Variants in PEMT observed in about 807,000 individuals in gnomAD.
PEMT encodes phospholipid methyltransferase.
Under a neutral mutation model 27.4 loss-of-function variants are expected in PEMT, and 23 were observed. The observed-to-expected ratio is 0.84, with a 90% confidence interval of 0.60 to 1.19. The LOEUF is 1.19. Ranked by LOEUF, PEMT falls within the 50% of genes most tolerant of loss-of-function variation. The probability of loss-of-function intolerance (pLI) is 0.00; values close to 1 mark genes in which losing one functional copy is unlikely to be tolerated. For missense variants in PEMT, 307 were observed against 310.1 expected (o/e 0.99, Z 0.07); for synonymous variants, 137 against 139.1 (o/e 0.98, Z 0.11).
At chr17:17,591,894 A>T, upstream of PEMT, 1 of 985,480 alleles carries the variant, frequency 1.0e-6, no homozygotes. Context: ...GCTACGTAGC[A>T]GTATCCCCTT....
At chr17:17,586,267 AGAAAGAAAGAAAGAAAG>A (rs1567759282) in intron 1 of PEMT, among the ~76,000 whole-genome samples, 50 of 118,410 alleles carry the variant, frequency 4.2e-4, no homozygotes, top group South Asian at 5.1e-4. Flanking sequence ...AAAGAAAGAA[AGAAAGAAAGAAAGAAAG>A]AAAGAAAAAA....
At chr17:17,515,992 C>T (rs1305743213) in intron 3 of PEMT, among the ~76,000 whole-genome samples, 1 of 152,214 alleles carries the variant, frequency 6.6e-6, no homozygotes, top group Non-Finnish European at 1.5e-5. Flanking sequence ...GCCCTGTCCC[C>T]AGCCAGCAGT....
In PEMT at chr17:17,583,644, A is replaced by G. The variant is rs182152798; in HGVS notation, c.97-6617T>C. Among the ~76,000 whole-genome samples, 375 of 152,290 alleles carry G rather than the reference A, an allele frequency of 2.5e-3. 1 individual carries two copies. Among genetic ancestry groups the G allele is most frequent in the African/African-American group, 8.8e-3 (367 of 41,552 alleles). On this transcript the variant is annotated intron_variant, in intron 1 of 6. Transcript: ENST00000255389. Reference sequence around the variant, plus strand: ...GTGATGAGACAGGCCACCTGAGGTTACCTTCTGCACAGAAGCAAGAACAGA... The same window carrying G: ...GTGATGAGACAGGCCACCTGAGGTTGCCTTCTGCACAGAAGCAAGAACAGA...
At chr17:17,540,034 G>A (rs1908772511) in intron 2 of PEMT, among the ~76,000 whole-genome samples, 1 of 152,230 alleles carries the variant, frequency 6.6e-6, no homozygotes, top group African/African-American at 2.4e-5. Flanking sequence ...CTGGGGGCAT[G>A]GAAGGACAGA....
In PEMT at chr17:17,591,148, T is replaced by TCATACA. The variant is rs70957203; in HGVS notation, c.96+377_96+382dup. Among the ~76,000 whole-genome samples the TCATACA allele has an allele frequency of 5.9e-3, 901 of 152,154 alleles. 6 individuals are homozygous for TCATACA. Among genetic ancestry groups the TCATACA allele is most frequent in the African/African-American group, 0.021 (857 of 41,508 alleles). Reference sequence around the variant, plus strand: ...CACGCTCAGTCACACACAGCCTCGGTCATACACACTCACACTCACTCTCCG... The same window carrying TCATACA: ...CACGCTCAGTCACACACAGCCTCGGTCATACACATACACACTCACACTCACTCTCCG... On this transcript the variant is annotated intron_variant, in intron 1 of 6. Coordinates refer to ENST00000255389, the MANE Select transcript of PEMT (RefSeq NM_148172.3).
At chr17:17,545,189 G>T (rs1166751945) in intron 2 of PEMT, among the ~76,000 whole-genome samples, 1 of 152,216 alleles carries the variant, frequency 6.6e-6, no homozygotes, top group Non-Finnish European at 1.5e-5. Context: ...GACCTCAGTT[G>T]TCCTGTTCTA....
chr17:17,514,802 G>A (rs1906696315), intron 3 of PEMT, among the ~76,000 whole-genome samples: 1 of 152,256 alleles, frequency 6.6e-6, no homozygotes, highest in Admixed American at 6.5e-5. Context: ...AAGGAAGGGT[G>A]CCGGCCCTGC....
At chr17:17,543,619 G>A (rs1326622033) in intron 2 of PEMT, among the ~76,000 whole-genome samples, 1 of 152,168 alleles carries the variant, frequency 6.6e-6, no homozygotes, top group Admixed American at 6.5e-5. Flanking sequence ...GTGGAGGGCA[G>A]GGGCACGATC....
At position 17,516,644 on chromosome 17, in the gene PEMT, G is replaced by A. The variant is rs531421533; in HGVS notation, c.321-3990C>T. ...CACTCTCCTTCCAGACTTCCTGGCCGTGTGTGCTTTGGGGATGGGGAGGGT... is the reference window on the plus strand; with the variant it reads ...CACTCTCCTTCCAGACTTCCTGGCCATGTGTGCTTTGGGGATGGGGAGGGT... On this transcript the variant is annotated intron_variant, in intron 3 of 6. Coordinates refer to ENST00000255389, the MANE Select transcript of PEMT (RefSeq NM_148172.3). Among the ~76,000 whole-genome samples, 29 of 152,272 alleles carry A rather than the reference G, an allele frequency of 1.9e-4. No individual in the cohort carries two copies. In the East Asian group the frequency reaches 2.9e-3, roughly 15 times the overall value.
chr17:17,515,063 G>A (rs1248471816), intron 3 of PEMT, among the ~76,000 whole-genome samples: 1 of 152,198 alleles, frequency 6.6e-6, no homozygotes, highest in Admixed American at 6.5e-5. Context: ...TCCAGGTGCT[G>A]CAATAGGGGG....
At chr17:17,548,564 T>G (rs191451007) in intron 2 of PEMT, among the ~76,000 whole-genome samples, 1 of 152,334 alleles carries the variant, frequency 6.6e-6, no homozygotes, top group East Asian at 1.9e-4. Context: ...TCTTTTTTTT[T>G]TGAGACGCAG....
At chr17:17,577,821 T>TC (rs1911718894) in intron 1 of PEMT, among the ~76,000 whole-genome samples, 1 of 151,864 alleles carries the variant, frequency 6.6e-6, no homozygotes, top group African/African-American at 2.4e-5. Flanking sequence ...ATCAAGACCA[T>TC]CCTGGCTAAC....
chr17:17,581,340 C>T (rs7224725), intron 1 of PEMT, among the ~76,000 whole-genome samples: 19,227 of 152,138 alleles, frequency 0.13, 2,178 homozygotes, highest in African/African-American at 0.31. Flanking sequence ...CTCTCAGCCA[C>T]CCTAAAAGTA....
chr17:17,533,842 T>C (rs569296848), intron 2 of PEMT, among the ~76,000 whole-genome samples: 42 of 152,220 alleles, frequency 2.8e-4, no homozygotes, highest in African/African-American at 1.0e-3. Context: ...GCAATTCTCC[T>C]GCCTCAGCCT....
intron 3 of PEMT, among the ~76,000 whole-genome samples, chr17:17,514,925 G>A (rs759085836): frequency 2.8e-4 from 43 of 152,224 alleles, no homozygotes; most frequent in Non-Finnish European, 4.6e-4. Flanking sequence ...TCCAGAAAGA[G>A]GAAATAGCAG....
At chr17:17,566,602 G>A (rs1910842512) in intron 2 of PEMT, among the ~76,000 whole-genome samples, 1 of 152,244 alleles carries the variant, frequency 6.6e-6, no homozygotes, top group Non-Finnish European at 1.5e-5. Flanking sequence ...GCTCAGGGAA[G>A]CCAGGCTGGA....
intron 4 of PEMT, among the ~76,000 whole-genome samples, chr17:17,510,944 C>T (rs1236521780): frequency 2.0e-5 from 3 of 152,050 alleles, no homozygotes; most frequent in African/African-American, 4.8e-5. Flanking sequence ...GGGCCCTCAC[C>T]GCCCTCACAT....
At chr17:17,572,431 C>T (rs1035854131) in intron 2 of PEMT, among the ~76,000 whole-genome samples, 6 of 152,226 alleles carry the variant, frequency 3.9e-5, no homozygotes, top group Admixed American at 2.6e-4. Flanking sequence ...TGCCTGGCTC[C>T]AGCGGCAGCT....
chr17:17,535,279 T>C (rs934529033), intron 2 of PEMT, among the ~76,000 whole-genome samples: 1 of 152,168 alleles, frequency 6.6e-6, no homozygotes, highest in Non-Finnish European at 1.5e-5. Flanking sequence ...TAAAAGTCCT[T>C]ACTTATGGCC....
Sources: gnomAD v4.1 joint callset for allele counts (sites outside exome capture counted in the v4.1 genomes callset) on GRCh38, gnomAD v4.1.1 for gene constraint, MANE v1.5 for transcripts, NCBI Gene and HGNC (gene_info 2026-07-23, HGNC 2026-07-21) for gene names.